Variants in CHD6 observed in about 807,000 individuals in gnomAD.
CHD6 encodes chromodomain helicase DNA binding protein 6.
CHD6 carries 50 observed loss-of-function variants against 276.9 expected under a neutral mutation model. The observed-to-expected ratio is 0.18, with a 90% CI of 0.14 to 0.23. The LOEUF (loss-of-function observed/expected upper bound fraction) is 0.23, where lower values mean the gene tolerates loss of function less well. Among genes scored for constraint, CHD6 ranks in the 10% least tolerant of loss-of-function variants. The pLI, the probability that CHD6 is intolerant of heterozygous loss-of-function variation, is 1.00. For missense variants in CHD6, 2,564 were observed against 3,365.8 expected (o/e 0.76, Z 5.89); for synonymous variants, 1,173 against 1,229.3 (o/e 0.95, Z 0.96).
chr20:41,430,714 T>G (rs1490551880), intron 27 of CHD6, among the ~76,000 whole-genome samples: 1 of 152,196 alleles, frequency 6.6e-6, no homozygotes, highest in Non-Finnish European at 1.5e-5. Flanking sequence ...GTAACTGGTT[T>G]GAAAAGAGTC....
rs1198146505 is a variant in CHD6, at chr20:41,402,423, T to C, written c.*2170A>G. The C allele has an allele frequency of 4.3e-6, 1 of 230,478 alleles. No homozygotes were observed. Among genetic ancestry groups the C allele is most frequent in the Non-Finnish European group, 8.6e-6 (1 of 116,420 alleles). 14.3% of individuals were successfully genotyped at this position (230,478 alleles called of 1,614,324 possible). A position where few individuals can be genotyped will look rare whatever the true frequency, so the allele number is the denominator to read the frequency against. On this transcript the variant is annotated 3_prime_UTR_variant, in exon 37 of 37. Transcript: ENST00000373233. ...GATAACAAGGGATTGAGCATGCTGG[T>C]GGGTTTTTAAGTCAGATCCACATTG... is the stretch of plus-strand genomic sequence containing the variant.
chr20:41,444,515 C>T (rs1379333156), intron 25 of CHD6, among the ~76,000 whole-genome samples: 3 of 152,170 alleles, frequency 2.0e-5, no homozygotes, highest in Non-Finnish European at 4.4e-5. Flanking sequence ...CAGCACTGCA[C>T]CACCTGAAGC....
chr20:41,586,244 T>G (rs767103527), intron 1 of CHD6, among the ~76,000 whole-genome samples: 7 of 152,166 alleles, frequency 4.6e-5, no homozygotes, highest in Non-Finnish European at 1.0e-4. Context: ...TCGCTCCCTG[T>G]CAACTACTGC....
chr20:41,617,619 A>C (rs1292718836), intron 1 of CHD6, among the ~76,000 whole-genome samples: 11 of 152,192 alleles, frequency 7.2e-5, no homozygotes, highest in Admixed American at 7.2e-4. Flanking sequence ...GAGGACAGAT[A>C]GATCTTTTTT....
intron 2 of CHD6, among the ~76,000 whole-genome samples, chr20:41,536,800 G>A (rs545219702): frequency 6.6e-6 from 1 of 152,258 alleles, no homozygotes; most frequent in Non-Finnish European, 1.5e-5. Flanking sequence ...ATGGATACCT[G>A]ACAATCATTG....
At chr20:41,558,015 A>T (rs1212096924) in intron 1 of CHD6, among the ~76,000 whole-genome samples, 1 of 152,226 alleles carries the variant, frequency 6.6e-6, no homozygotes, top group East Asian at 1.9e-4. Flanking sequence ...ATCTGGGAAG[A>T]GTGAGATAAT....
In CHD6 at chr20:41,402,412, G is replaced by A. The variant is rs1441003099; in HGVS notation, c.*2181C>T. On this transcript the variant is annotated 3_prime_UTR_variant, in exon 37 of 37. Coordinates refer to ENST00000373233, the MANE Select transcript of CHD6 (RefSeq NM_032221.5). ...GATTCCATAAGGATAACAAGGGATT[G>A]AGCATGCTGGTGGGTTTTTAAGTCA... The A allele has an allele frequency of 1.3e-5, 3 of 230,168 alleles. No homozygotes were observed. The highest frequency in any genetic ancestry group is 6.2e-5 in the East Asian group (1 of 16,204). 14.3% of individuals were successfully genotyped at this position (230,168 alleles called of 1,614,324 possible).
chr20:41,473,431 C>A lies in CHD6; in HGVS notation c.2555G>T (p.Arg852Leu). The A allele has an allele frequency of 6.2e-7, 1 of 1,614,106 alleles. No homozygotes were observed. The highest frequency in any genetic ancestry group is 2.2e-5 in the East Asian group (1 of 44,848). Residue 852 changes from arginine to leucine, a missense_variant, in exon 17 of 37, where the codon CGC becomes CTC. This residue lies in a region of CHD6 where 457 missense variants were observed against 889.0 expected (regional missense o/e 0.51). Transcript: ENST00000373233. This position sits in a 1 kb window ranked among gnomAD's most constrained non-coding sequence, Gnocchi z 4.1. The stretch of plus-strand genomic sequence containing the variant: ...TCTGGTGCACAGAAGAAAGACAAAG[C>A]GGTCTGAATCTGGCTTACAGAACCG... ...IDRFCKPDSD[R>L]FVFLLCTRAG...
chr20:41,512,343 G>T (rs1031512942), intron 5 of CHD6, among the ~76,000 whole-genome samples: 2 of 151,994 alleles, frequency 1.3e-5, no homozygotes, highest in African/African-American at 4.8e-5. Flanking sequence ...TTGTGTTGTG[G>T]TAAGTGCTTT....
At chr20:41,494,557 G>A (rs938665803) in intron 8 of CHD6, among the ~76,000 whole-genome samples, 1 of 152,124 alleles carries the variant, frequency 6.6e-6, no homozygotes, top group Non-Finnish European at 1.5e-5. Context: ...ACTACCTTAC[G>A]GAGTAGGTAC....
intron 1 of CHD6, among the ~76,000 whole-genome samples, chr20:41,611,741 G>A (rs538916436): frequency 1.2e-4 from 18 of 152,158 alleles, no homozygotes; most frequent in Middle Eastern, 3.4e-3. Flanking sequence ...CGGTTCAAGC[G>A]ATTCTCCTGC....
chr20:41,438,124 T>C (rs867936109), intron 26 of CHD6, among the ~76,000 whole-genome samples: 2 of 152,170 alleles, frequency 1.3e-5, no homozygotes, highest in African/African-American at 4.8e-5. Context: ...CAGAATCACA[T>C]TTGGCGAAAG....
chr20:41,450,836 C>G, intron 23 of CHD6, 110 bp downstream of exon 23: 1 of 1,004,582 alleles, frequency 1.0e-6, no homozygotes, highest in African/African-American at 1.6e-5. Context: ...CTTTCTAGAC[C>G]TTGCACAGAA....
At chr20:41,580,785 C>T (rs1168047676) in intron 1 of CHD6, among the ~76,000 whole-genome samples, 3 of 151,516 alleles carry the variant, frequency 2.0e-5, no homozygotes, top group Non-Finnish European at 4.4e-5. Context: ...ATAGTTTTAA[C>T]ATACAATTCA....
intron 1 of CHD6, among the ~76,000 whole-genome samples, chr20:41,559,491 T>G (rs1425482447): frequency 6.6e-6 from 1 of 152,216 alleles, no homozygotes; most frequent in Admixed American, 6.5e-5. Context: ...AGGCTTTGAG[T>G]GCTTTGCAGC....
rs182371330 is a variant in CHD6, at chr20:41,515,022, G to A, written c.555-70C>T. On this transcript the variant is annotated intron_variant, in intron 3 of 36. Transcript: ENST00000373233. Reference sequence around the variant, plus strand: ...AACTAAGATTTCTCATGTGATCAACGTCATGAAATCACATCCTGGAATTCT... The same window carrying A: ...AACTAAGATTTCTCATGTGATCAACATCATGAAATCACATCCTGGAATTCT... 1.7e-5 allele frequency: 25 copies of A among 1,509,136 alleles called. No individual in the cohort carries two copies. In the African/African-American group the frequency reaches 2.5e-4, roughly 15 times the overall value. The allele number at this position is 1,509,136 out of a possible 1,614,324, so 93.5% of individuals were successfully genotyped here.
chr20:41,558,175 A>C (rs2045261041), intron 1 of CHD6, among the ~76,000 whole-genome samples: 1 of 152,166 alleles, frequency 6.6e-6, no homozygotes, highest in East Asian at 1.9e-4. Flanking sequence ...CCACGCCCAC[A>C]AACTGGACAC....
chr20:41,414,929 A>T, intron 34 of CHD6: 1 of 1,323,668 alleles, frequency 7.6e-7, no homozygotes, highest in Non-Finnish European at 9.6e-7. Flanking sequence ...ACCCTGGAGG[A>T]GCGGGGTTGT....
intron 22 of CHD6, 51 bp downstream of exon 22, chr20:41,451,775 A>G: frequency 6.6e-7 from 1 of 1,504,344 alleles, no homozygotes; most frequent in Non-Finnish European, 9.3e-7. Flanking sequence ...GGAAGAGGGG[A>G]TGAAGTGCAT....
Sources: gnomAD v4.1 joint callset for allele counts (sites outside exome capture counted in the v4.1 genomes callset) on GRCh38, gnomAD v4.1.1 for gene constraint, gnomAD v4.1.1 regional missense constraint, Gnocchi (gnomAD v3.1) non-coding constraint, MANE v1.5 for transcripts, NCBI Gene and HGNC (gene_info 2026-07-23, HGNC 2026-07-21) for gene names.